The following SPMIP7 variants were observed in gnomAD, a reference collection of about 807,000 sequenced individuals.
SPMIP7 encodes protein SPMIP7.
At chr7:50,111,209 A>G in the SPMIP7 span, among the ~76,000 whole-genome samples, 6 of 151,680 alleles carry the variant, frequency 4.0e-5, no homozygotes, top group African/African-American at 1.5e-4. Flanking sequence ...ACTAAGACAC[A>G]TCAGACTGTG....
At chr7:50,148,869 G>A in the SPMIP7 span, among the ~76,000 whole-genome samples, 7 of 152,156 alleles carry the variant, frequency 4.6e-5, no homozygotes, top group South Asian at 2.1e-4. Context: ...GGGCTGGGCC[G>A]GGCACGGTGG....
At chr7:50,109,117 C>A in the SPMIP7 span, among the ~76,000 whole-genome samples, 402 of 152,188 alleles carry the variant, frequency 2.6e-3, 1 homozygote, top group African/African-American at 9.0e-3. Flanking sequence ...AATAAAGCCT[C>A]CCCATTAAGA....
At chr7:50,117,536 C>T in the SPMIP7 span, 2 of 237,830 alleles carry the variant, frequency 8.4e-6, no homozygotes, top group Non-Finnish European at 1.7e-5. Flanking sequence ...TTGCAACTTA[C>T]TTAACCCTGC....
chr7:50,143,419 G>A, the SPMIP7 span, among the ~76,000 whole-genome samples: 22 of 151,962 alleles, frequency 1.4e-4, no homozygotes, highest in Non-Finnish European at 2.1e-4. Context: ...CGCCTGCCTC[G>A]GCCTCCCAAA....
At chr7:50,123,082 G>T in the SPMIP7 span, among the ~76,000 whole-genome samples, 2 of 130,914 alleles carry the variant, frequency 1.5e-5, no homozygotes, top group African/African-American at 6.1e-5. Flanking sequence ...TACCTAAAGG[G>T]CTATAAATCA....
At chr7:50,147,940 G>T in the SPMIP7 span, among the ~76,000 whole-genome samples, 5 of 152,300 alleles carry the variant, frequency 3.3e-5, no homozygotes, top group East Asian at 9.7e-4. Flanking sequence ...CTCAAATGGG[G>T]AGTGGAATTC....
the SPMIP7 span, among the ~76,000 whole-genome samples, chr7:50,110,521 CATTATATTTATATATTTGATATAT>C: frequency 7.0e-6 from 1 of 142,776 alleles, no homozygotes; most frequent in South Asian, 2.1e-4. Flanking sequence ...ATATTTGATA[CATTATATTTATATATTTGATATAT>C]ATTATATGCT....
At chr7:50,138,946 T>C in the SPMIP7 span, among the ~76,000 whole-genome samples, 1 of 152,200 alleles carries the variant, frequency 6.6e-6, no homozygotes. Flanking sequence ...AGATTTTTGA[T>C]AAAATTTATT....
the SPMIP7 span, chr7:50,151,502 C>T: frequency 6.4e-7 from 1 of 1,551,634 alleles, no homozygotes; most frequent in Non-Finnish European, 8.7e-7. Context: ...AGCCACCCAC[C>T]CAGCAAATTC....
At chr7:50,153,853 G>T in the SPMIP7 span, among the ~76,000 whole-genome samples, 1 of 152,156 alleles carries the variant, frequency 6.6e-6, no homozygotes, top group Non-Finnish European at 1.5e-5. Context: ...CTAGCCTGTT[G>T]TAGGCCACTG....
chr7:50,138,110 T>C, the SPMIP7 span, among the ~76,000 whole-genome samples: 68,434 of 152,002 alleles, frequency 0.45, 15,769 homozygotes, highest in East Asian at 0.72. Flanking sequence ...ATAACTTTTT[T>C]CTAAAATTTT....
chr7:50,147,330 T>C, the SPMIP7 span, among the ~76,000 whole-genome samples: 31 of 152,206 alleles, frequency 2.0e-4, no homozygotes, highest in African/African-American at 7.5e-4. Flanking sequence ...TCCTATTCAG[T>C]TCAGTTGCAC....
At chr7:50,102,099 G>A in the SPMIP7 span, among the ~76,000 whole-genome samples, 5 of 152,126 alleles carry the variant, frequency 3.3e-5, no homozygotes, top group African/African-American at 7.2e-5. Context: ...CGAGGCAGGC[G>A]GATTATCTGA....
the SPMIP7 span, among the ~76,000 whole-genome samples, chr7:50,125,872 T>C: frequency 1.6e-4 from 25 of 152,068 alleles, no homozygotes; most frequent in Admixed American, 1.5e-3. Flanking sequence ...CTTTCAGTTT[T>C]AAGATGAATT....
chr7:50,140,473 AC>A, the SPMIP7 span, among the ~76,000 whole-genome samples: 1 of 152,252 alleles, frequency 6.6e-6, no homozygotes, highest in Admixed American at 6.5e-5. Flanking sequence ...GAAATAAAAT[AC>A]CTTGGATGCT....
At chr7:50,122,750 G>A in the SPMIP7 span, among the ~76,000 whole-genome samples, 4 of 151,882 alleles carry the variant, frequency 2.6e-5, no homozygotes, top group Admixed American at 2.6e-4. Context: ...TCAAAAAGTG[G>A]GCAAAGGACA....
the SPMIP7 span, among the ~76,000 whole-genome samples, chr7:50,138,289 C>T: frequency 6.6e-6 from 1 of 152,094 alleles, no homozygotes; most frequent in African/African-American, 2.4e-5. Context: ...TTGGCTAAAG[C>T]CTGTGAGTGC....
chr7:50,127,016 A>G, the SPMIP7 span, among the ~76,000 whole-genome samples: 8 of 152,026 alleles, frequency 5.3e-5, no homozygotes, highest in African/African-American at 1.7e-4. Flanking sequence ...ATTCCACAAA[A>G]CTATAGTAAT....
At chr7:50,148,522 A>G in the SPMIP7 span, among the ~76,000 whole-genome samples, 1 of 152,186 alleles carries the variant, frequency 6.6e-6, no homozygotes, top group African/African-American at 2.4e-5. Context: ...GCAGTGGAAA[A>G]AACCTTTCAC....
Sources: gnomAD v4.1 joint callset for allele counts (sites outside exome capture counted in the v4.1 genomes callset) on GRCh38, gnomAD v4.1.1 for gene constraint, MANE v1.5 for transcripts, NCBI Gene and HGNC (gene_info 2026-07-23, HGNC 2026-07-21) for gene names.